The following MAP3K2 variants were observed in gnomAD, a reference collection of about 807,000 sequenced individuals.
The protein encoded by MAP3K2 is MAP/ERK kinase kinase 2.
Under a neutral mutation model 80.3 loss-of-function variants are expected in MAP3K2, and 24 were observed. That is an observed-to-expected ratio of 0.30 (90% CI 0.22 to 0.42). MAP3K2 has a LOEUF of 0.42. MAP3K2 is among the 10% of genes least tolerant of loss of function. The pLI is 1.00. For synonymous variants in MAP3K2, 244 were observed against 253.7 expected (o/e 0.96, Z 0.36); for missense variants, 608 against 750.1 (o/e 0.81, Z 2.21).
chr2:127,361,606 G>A (rs1686893680), intron 1 of MAP3K2, among the ~76,000 whole-genome samples: 1 of 151,996 alleles, frequency 6.6e-6, no homozygotes, highest in Non-Finnish European at 1.5e-5. Context: ...TGGTCCCTGT[G>A]GTCCTAGTAA....
intron 1 of MAP3K2, among the ~76,000 whole-genome samples, chr2:127,372,748 AG>A (rs1490316633): frequency 6.6e-6 from 1 of 152,144 alleles, no homozygotes; most frequent in African/African-American, 2.4e-5. Flanking sequence ...CTATTTGGGT[AG>A]AATAGTGATC....
chr2:127,329,647 G>A (rs1466191758), intron 7 of MAP3K2, among the ~76,000 whole-genome samples: 3 of 152,088 alleles, frequency 2.0e-5, no homozygotes, highest in Admixed American at 1.3e-4. Context: ...GAGCTACCGC[G>A]CCCAGCCTAA....
intron 1 of MAP3K2, among the ~76,000 whole-genome samples, chr2:127,355,900 C>T (rs1686789536): frequency 6.6e-6 from 1 of 152,102 alleles, no homozygotes; most frequent in Admixed American, 6.5e-5. Flanking sequence ...ATGTAACATT[C>T]TAAATCTTTT....
intron 1 of MAP3K2, among the ~76,000 whole-genome samples, chr2:127,368,997 G>A (rs1687017206): frequency 6.6e-6 from 1 of 151,938 alleles, no homozygotes; most frequent in African/African-American, 2.4e-5. Context: ...GCCCAGGTTG[G>A]AGTGCAGTGG....
chr2:127,387,511 C>A lies in MAP3K2; in HGVS notation c.-125G>T, dbSNP rs1687389164. On this transcript the variant is annotated 5_prime_UTR_variant, in exon 1 of 17. Coordinates refer to ENST00000682094, the MANE Select transcript of MAP3K2 (RefSeq NM_001371910.2). ...CCAAGGAGGGGCCGCCCCCGCCGAG[C>A]CCGCCCCTCCGCCCCAGCGCGGCCT... The A allele has an allele frequency of 2.0e-6, 2 of 984,754 alleles. No homozygotes were observed. Among genetic ancestry groups the A allele is most frequent in the East Asian group, 2.3e-4 (2 of 8,790 alleles). 61.0% of individuals were successfully genotyped at this position (984,754 alleles called of 1,614,324 possible). A position where few individuals can be genotyped will look rare whatever the true frequency, so the allele number is the denominator to read the frequency against.
rs967457086 is a variant in MAP3K2 at position 127,312,980 on chromosome 2, T to A, written c.1456+1774A>T. 3.2e-4 allele frequency among the ~76,000 whole-genome samples: 47 copies of A among 148,056 alleles called. 1 individual carries two copies. The highest frequency in any genetic ancestry group is 6.8e-3 in the Middle Eastern group (2 of 294). On this transcript the variant is annotated intron_variant, in intron 15 of 16. Coordinates refer to ENST00000682094, the MANE Select transcript of MAP3K2 (RefSeq NM_001371910.2). ...GAATCTCTCTTAAAAAAAAAAAAAA[T>A]AAAAACGACCATCACTCATCCTGCC... is the stretch of plus-strand genomic sequence containing the variant.
At chr2:127,314,598 GA>G (rs1304023439) in intron 15 of MAP3K2, among the ~76,000 whole-genome samples, 155 bp downstream of exon 15, 1 of 152,228 alleles carries the variant, frequency 6.6e-6, no homozygotes, top group East Asian at 1.9e-4. Flanking sequence ...TGGTGTGATA[GA>G]ACACTGACAG....
At chr2:127,336,061 T>C in intron 4 of MAP3K2, 92 bp from the exon 5 acceptor site, 1 of 673,420 alleles carries the variant, frequency 1.5e-6, no homozygotes, top group Non-Finnish European at 2.6e-6. Context: ...GATACAAGAT[T>C]AACTAAAAAT....
intron 2 of MAP3K2, among the ~76,000 whole-genome samples, chr2:127,342,578 C>T (rs967699015): frequency 1.3e-5 from 2 of 152,084 alleles, no homozygotes; most frequent in Non-Finnish European, 2.9e-5. Context: ...GTGGGCCATT[C>T]GTGACTCCAT....
chr2:127,346,509 G>C (rs1686598721), intron 1 of MAP3K2, among the ~76,000 whole-genome samples: 1 of 148,250 alleles, frequency 6.7e-6, no homozygotes, highest in Non-Finnish European at 1.5e-5. Flanking sequence ...CACAAGATGA[G>C]AAAACTAAAG....
rs1685705434 is a variant in MAP3K2, at chr2:127,306,648, A to G, written c.*931T>C. Reference sequence around the variant, plus strand: ...TATACATGATTTTGATTATTTCTCCATTCCTTTAATTTTGGGACGTCCCCC... The same window carrying G: ...TATACATGATTTTGATTATTTCTCCGTTCCTTTAATTTTGGGACGTCCCCC... On this transcript the variant is annotated 3_prime_UTR_variant, in exon 17 of 17. Coordinates refer to ENST00000682094, the MANE Select transcript of MAP3K2 (RefSeq NM_001371910.2). The surrounding 1 kb of genome is among the most constrained non-coding windows in gnomAD (Gnocchi z 4.7). The G allele has an allele frequency of 6.6e-6, 1 of 152,198 alleles. No individual in the cohort carries two copies. The highest frequency in any genetic ancestry group is 6.5e-5 in the Admixed American group (1 of 15,282). 9.4% of individuals were successfully genotyped at this position (152,198 alleles called of 1,614,324 possible).
intron 1 of MAP3K2, among the ~76,000 whole-genome samples, chr2:127,371,447 G>A (rs568790726): frequency 7.9e-5 from 12 of 152,256 alleles, no homozygotes; most frequent in Admixed American, 3.3e-4. Context: ...ATAAATGTTC[G>A]ACAAGGGCCT....
intron 5 of MAP3K2, 81 bp from the exon 6 acceptor site, chr2:127,330,586 CA>C: frequency 1.6e-6 from 1 of 620,156 alleles, no homozygotes; most frequent in East Asian, 3.0e-5. Context: ...TAAGGAATTA[CA>C]AATGTCAAAA....
At chr2:127,387,425 C>G (rs1487679626) in intron 1 of MAP3K2, 27 bp downstream of exon 1, 2 of 901,442 alleles carry the variant, frequency 2.2e-6, no homozygotes, top group Admixed American at 1.2e-4. Flanking sequence ...CACACACAAG[C>G]GCGCGCGCAC....
At chr2:127,333,277 AAC>A (rs35382458) in intron 5 of MAP3K2, among the ~76,000 whole-genome samples, 12,172 of 144,538 alleles carry the variant, frequency 0.084, 771 homozygotes, top group African/African-American at 0.19. Flanking sequence ...CAACCCTCAT[AAC>A]ACACACACAC....
intron 1 of MAP3K2, among the ~76,000 whole-genome samples, chr2:127,381,565 A>G (rs1008415302): frequency 9.9e-5 from 15 of 152,240 alleles, no homozygotes; most frequent in African/African-American, 3.6e-4. Context: ...CTGAAATTTA[A>G]AAGTTAGCCT....
chr2:127,335,792 A>G, intron 5 of MAP3K2, 78 bp downstream of exon 5: 1 of 693,636 alleles, frequency 1.4e-6, no homozygotes, highest in Non-Finnish European at 2.4e-6. Context: ...TAAAAACACG[A>G]GTCTTAAAAG....
intron 1 of MAP3K2, among the ~76,000 whole-genome samples, chr2:127,358,030 AAC>A (rs1167242547): frequency 2.0e-5 from 3 of 152,238 alleles, no homozygotes; most frequent in Non-Finnish European, 4.4e-5. Flanking sequence ...AAAAAATAAA[AAC>A]ACAAGCCACA....
chr2:127,341,376 C>G (rs900473953), intron 2 of MAP3K2, among the ~76,000 whole-genome samples: 4 of 151,814 alleles, frequency 2.6e-5, no homozygotes, highest in Non-Finnish European at 5.9e-5. Context: ...GCCAGTTGAA[C>G]AAAACTTCCC....
Sources: gnomAD v4.1 joint callset for allele counts (sites outside exome capture counted in the v4.1 genomes callset) on GRCh38, gnomAD v4.1.1 for gene constraint, Gnocchi (gnomAD v3.1) non-coding constraint, MANE v1.5 for transcripts, NCBI Gene and HGNC (gene_info 2026-07-23, HGNC 2026-07-21) for gene names.